Variants in DHX16 observed in about 807,000 individuals in gnomAD.
DHX16 encodes pre-mRNA-splicing factor ATP-dependent RNA helicase DHX16.
DHX16 carries 81 observed loss-of-function variants against 131.2 expected under a neutral mutation model. The observed-to-expected ratio is 0.62, with a 90% CI of 0.52 to 0.74. The LOEUF (loss-of-function observed/expected upper bound fraction) is 0.74, where lower values mean the gene tolerates loss of function less well. Among genes scored for constraint, DHX16 ranks in the 30% least tolerant of loss-of-function variants. The pLI is 0.00. For missense variants in DHX16, 980 were observed against 1,363.1 expected (o/e 0.72, Z 4.43); for synonymous variants, 440 against 520.2 (o/e 0.85, Z 2.10).
intron 1 of DHX16, among the ~76,000 whole-genome samples, chr6:30,671,872 A>G (rs1490871052): frequency 6.8e-6 from 1 of 146,842 alleles, no homozygotes; most frequent in Non-Finnish European, 1.5e-5. Flanking sequence ...TTGTAGGACG[A>G]AGGTTTCGCC....
intron 1 of DHX16, among the ~76,000 whole-genome samples, chr6:30,671,834 T>TA (rs1769586464): frequency 6.6e-6 from 1 of 151,432 alleles, no homozygotes; most frequent in Non-Finnish European, 1.5e-5. Flanking sequence ...AGGTGCACAC[T>TA]ACCACGCTCA....
In DHX16 at chr6:30,671,214, G is replaced by C; in HGVS notation, c.268C>G (p.Leu90Val). ...CTATAAGATCGGTTCTTCTCCAGCA[G>C]GGCCCGGGCCTCTCGCTCTGCTGCC... ...ARAAEREARA[L>V]LEKNRSYRLL... The change falls in exon 2 of 20, where the codon CTG (leucine) becomes GTG (valine). Residue 90 changes from leucine (L) to valine (V), a missense_variant. By Grantham distance (32) the Leu-to-Val change is conservative. Around this residue, in one of 3 missense-constraint regions of DHX16, gnomAD observed 457 missense variants for 554.8 expected, o/e 0.82. Transcript: ENST00000376442. 1 of 1,612,992 alleles carries C rather than the reference G, an allele frequency of 6.2e-7. No individual in the cohort carries two copies. The highest frequency in any genetic ancestry group is 1.1e-5 in the South Asian group (1 of 91,068).
At position 30,657,169 on chromosome 6, in the gene DHX16, G is replaced by A. The variant is rs1768066395; in HGVS notation, c.2008-77C>T. 3 of 1,481,064 alleles carry A rather than the reference G, an allele frequency of 2.0e-6. No individual in the cohort carries two copies. In the Admixed American group the frequency reaches 6.3e-5, roughly 31 times the overall value. The allele number at this position is 1,481,064 out of a possible 1,614,324, so 91.7% of individuals were successfully genotyped here. A position where few individuals can be genotyped will look rare whatever the true frequency, so the allele number is the denominator to read the frequency against. On this transcript the variant is annotated intron_variant, in intron 12 of 19. Transcript: ENST00000376442. ...AGAAAAAGTAATCTTGGAAAGTTAGGAGTAGTGAAGCAGTTGCAGTAAGGG... is the reference window on the plus strand; with the variant it reads ...AGAAAAAGTAATCTTGGAAAGTTAGAAGTAGTGAAGCAGTTGCAGTAAGGG...
chr6:30,667,531 G>A (rs997965314), intron 4 of DHX16, among the ~76,000 whole-genome samples: 3 of 148,694 alleles, frequency 2.0e-5, no homozygotes, highest in Non-Finnish European at 3.0e-5. Flanking sequence ...GCAGTGAGCC[G>A]AGATCGCACC....
chr6:30,671,632 A>AC (rs1259727335), intron 1 of DHX16, among the ~76,000 whole-genome samples: 1 of 152,058 alleles, frequency 6.6e-6, no homozygotes. Context: ...GGCATGAGCC[A>AC]CCACACCCGG....
intron 11 of DHX16, 40 bp from the exon 12 acceptor site, chr6:30,659,664 C>A: frequency 3.1e-6 from 5 of 1,613,358 alleles, no homozygotes; most frequent in Non-Finnish European, 4.2e-6. Flanking sequence ...GTCCCAGAGT[C>A]ACAGAAGGCC....
At chr6:30,667,468 G>A (rs777588632) in intron 4 of DHX16, among the ~76,000 whole-genome samples, 51 of 151,814 alleles carry the variant, frequency 3.4e-4, no homozygotes, top group Non-Finnish European at 6.0e-4. Flanking sequence ...TGTAGTTCTA[G>A]CTGCTCAGGA....
chr6:30,661,642 C>T (rs991036182), intron 9 of DHX16: 2 of 674,108 alleles, frequency 3.0e-6, no homozygotes, highest in African/African-American at 1.8e-5. Flanking sequence ...CAGTTATGTG[C>T]ATGACACCTT....
intron 7 of DHX16, 149 bp downstream of exon 7, chr6:30,664,652 A>G: frequency 1.5e-6 from 1 of 689,314 alleles, no homozygotes. Context: ...AAATGTGAAA[A>G]GGGTATGGTC....
chr6:30,664,161 T>C (rs1768784012), intron 7 of DHX16, among the ~76,000 whole-genome samples: 1 of 151,336 alleles, frequency 6.6e-6, no homozygotes, highest in Non-Finnish European at 1.5e-5. Context: ...TCACTCCAGC[T>C]TGGGCATCAG....
rs756661895 is a variant in DHX16, at chr6:30,654,860, AAGTAACC to A, written c.2836_2842del (p.Gly946PhefsTer7). 141 of 1,612,696 alleles carry A rather than the reference AAGTAACC, an allele frequency of 8.7e-5. No homozygotes were observed. The highest frequency in any genetic ancestry group is 1.1e-4 in the Non-Finnish European group (132 of 1,179,920). Reference sequence around the variant, plus strand: ...CCGAGTCAACCGTGCCGTGTGGTAAAAGTAACCAGCAGTGATGGCCTAAGGAGCGGGC... The same window carrying A: ...CCGAGTCAACCGTGCCGTGTGGTAAAAGCAGTGATGGCCTAAGGAGCGGGC... On this transcript the variant is annotated frameshift_variant, in exon 19 of 20. Transcript: ENST00000376442. LOFTEE classifies it high-confidence loss of function.
chr6:30,656,531 G>A lies in DHX16; in HGVS notation c.2312-22C>T. On this transcript the variant is annotated intron_variant, in intron 14 of 19. Transcript: ENST00000376442. The surrounding 1 kb of genome is among the most constrained non-coding windows in gnomAD (Gnocchi z 5.1). ...ATCCCTAGAAAGAGGTGTGATGGATGGAACAGAGTCCCTTCAAAGGACAGT... is the reference window on the plus strand; with the variant it reads ...ATCCCTAGAAAGAGGTGTGATGGATAGAACAGAGTCCCTTCAAAGGACAGT... 2 of 1,614,112 alleles carry A rather than the reference G, an allele frequency of 1.2e-6. No individual in the cohort carries two copies. Among genetic ancestry groups the A allele is most frequent in the Non-Finnish European group, 1.7e-6 (2 of 1,179,960 alleles).
At chr6:30,664,477 CAAA>C (rs10627470) in intron 7 of DHX16, among the ~76,000 whole-genome samples, 1 of 75,662 alleles carries the variant, frequency 1.3e-5, no homozygotes, top group Non-Finnish European at 2.9e-5. Flanking sequence ...ACTCCGTCTC[CAAA>C]AAAAAAAAAA....
chr6:30,662,580 T>C lies in DHX16; in HGVS notation c.1544+47A>G, dbSNP rs777426009. 7.0e-5 allele frequency: 105 copies of C among 1,505,752 alleles called. 1 individual carries two copies. The African/African-American group carries it at 1.2e-3, about 17-fold the overall frequency. The allele number at this position is 1,505,752 out of a possible 1,614,324, so 93.3% of individuals were successfully genotyped here. On this transcript the variant is annotated intron_variant, in intron 9 of 19. Transcript: ENST00000376442. The surrounding 1 kb of genome is among the most constrained non-coding windows in gnomAD (Gnocchi z 4.7). ...GATTAATCAGAAGACAATGGCTGAATTGGCTGGGTGGGAAGAAGGGAGAGA... is the reference window on the plus strand; with the variant it reads ...GATTAATCAGAAGACAATGGCTGAACTGGCTGGGTGGGAAGAAGGGAGAGA...
chr6:30,655,513 G>A lies in DHX16; in HGVS notation c.2583C>T (p.Val861=), dbSNP rs746298657. 1.9e-6 allele frequency: 3 copies of A among 1,613,034 alleles called. No homozygotes were observed. Among genetic ancestry groups the A allele is most frequent in the East Asian group, 2.2e-5 (1 of 44,902 alleles). ...TGACACGGGCATTGTCAGCATGGACGACCTTGTCCTTTGGTCGGTAGAAGA... is the reference window on the plus strand; with the variant it reads ...TGACACGGGCATTGTCAGCATGGACAACCTTGTCCTTTGGTCGGTAGAAGA... ...NSIFYRPKDK[V]VHADNARVNF... The change falls in exon 17 of 20, where the codon GTC becomes GTT. Residue 861 remains valine, a synonymous_variant. Transcript: ENST00000376442.
rs1233756087 is a variant in DHX16 at position 30,661,659 on chromosome 6, CTT to C, written c.1544+966_1544+967del. On this transcript the variant is annotated intron_variant, in intron 9 of 19. Transcript: ENST00000376442. ...GTTATGTGCATGACACCTTCTTTCTCTTTGTTCTTTGGCTTTTCTGGGTGGCA... is the reference window on the plus strand; with the variant it reads ...GTTATGTGCATGACACCTTCTTTCTCTGTTCTTTGGCTTTTCTGGGTGGCA... 4 of 692,142 alleles carry C rather than the reference CTT, an allele frequency of 5.8e-6. No homozygotes were observed. The East Asian group carries it at 1.1e-4, about 19-fold the overall frequency. 42.9% of individuals were successfully genotyped at this position (692,142 alleles called of 1,614,324 possible). A position where few individuals can be genotyped will look rare whatever the true frequency, so the allele number is the denominator to read the frequency against.
Position 30,670,241 on chromosome 6 carries a change from A to G in DHX16, c.666+169T>C, listed in dbSNP as rs138623275. Reference sequence around the variant, plus strand: ...TAAGAAGGATCCTTCCCTCAACAACATAAGTCTATCCTCAGCTGGCTCCTA... The same window carrying G: ...TAAGAAGGATCCTTCCCTCAACAACGTAAGTCTATCCTCAGCTGGCTCCTA... On this transcript the variant is annotated intron_variant, in intron 4 of 19. Transcript: ENST00000376442. The surrounding 1 kb of genome is among the most constrained non-coding windows in gnomAD (Gnocchi z 4.4). Among the ~76,000 whole-genome samples, 114 of 152,214 alleles carry G rather than the reference A, an allele frequency of 7.5e-4. No homozygotes were observed. Among genetic ancestry groups the G allele is most frequent in the African/African-American group, 2.6e-3 (106 of 41,532 alleles).
At position 30,656,770 on chromosome 6, in the gene DHX16, AG is replaced by A. The variant is rs1768026063; in HGVS notation, c.2149-12del. ...CTGATTGGCTGAGGCCTGGAAAGAAAGGGGAACAGGCTGGCTGACAATTTGG... is the reference window on the plus strand; with the variant it reads ...CTGATTGGCTGAGGCCTGGAAAGAAAGGGAACAGGCTGGCTGACAATTTGG... On this transcript the variant is annotated splice_polypyrimidine_tract_variant and intron_variant, in intron 13 of 19. Coordinates refer to ENST00000376442, the MANE Select transcript of DHX16 (RefSeq NM_003587.5). This position sits in a 1 kb window ranked among gnomAD's most constrained non-coding sequence, Gnocchi z 5.1. The A allele has an allele frequency of 6.2e-7, 1 of 1,611,502 alleles. No individual in the cohort carries two copies. Among genetic ancestry groups the A allele is most frequent in the South Asian group, 1.1e-5 (1 of 91,084 alleles).
Position 30,670,135 on chromosome 6 carries a change from T to G in DHX16, c.666+275A>C, listed in dbSNP as rs1769395473. 6.6e-6 allele frequency among the ~76,000 whole-genome samples: 1 copy of G among 152,118 alleles called. No homozygotes were observed. The highest frequency in any genetic ancestry group is 2.1e-4 in the South Asian group (1 of 4,824). On this transcript the variant is annotated intron_variant, in intron 4 of 19. Coordinates refer to ENST00000376442, the MANE Select transcript of DHX16 (RefSeq NM_003587.5). This position sits in a 1 kb window ranked among gnomAD's most constrained non-coding sequence, Gnocchi z 4.4. ...CTCAGGAATAGGGAAAGCTCACAAT[T>G]TCATTCACTAATAGAGTATATTTGA... is the stretch of plus-strand genomic sequence containing the variant.
Sources: gnomAD v4.1 joint callset for allele counts (sites outside exome capture counted in the v4.1 genomes callset) on GRCh38, gnomAD v4.1.1 for gene constraint, gnomAD v4.1.1 regional missense constraint, Gnocchi (gnomAD v3.1) non-coding constraint, MANE v1.5 for transcripts, NCBI Gene and HGNC (gene_info 2026-07-23, HGNC 2026-07-21) for gene names.